SIDT1: variants seen among roughly 807,000 people sequenced by gnomAD.
SIDT1 encodes the protein SID1 transmembrane family, member 1.
In SIDT1, 101 loss-of-function variants were observed where a neutral mutation model predicts 107.5. The ratio of observed to expected loss-of-function variants is 0.94; its 90% CI spans 0.80 to 1.11. The LOEUF is 1.11. SIDT1 is among the 50% of genes least tolerant of loss of function. The pLI, the probability that SIDT1 is intolerant of heterozygous loss-of-function variation, is 0.00. For missense variants in SIDT1, 1,076 were observed against 1,058.2 expected (o/e 1.02, Z -0.23); for synonymous variants, 395 against 398.2 (o/e 0.99, Z 0.10).
chr3:113,626,017 C>T (rs1008155191), intron 23 of SIDT1, 85 bp from the exon 24 acceptor site: 6 of 896,888 alleles, frequency 6.7e-6, no homozygotes, highest in South Asian at 1.4e-5. Flanking sequence ...CATCTAGTAG[C>T]GTTTTTGTGG....
intron 7 of SIDT1, among the ~76,000 whole-genome samples, chr3:113,584,453 G>A (rs959506142): frequency 3.3e-5 from 5 of 152,188 alleles, no homozygotes; most frequent in Admixed American, 1.3e-4. Flanking sequence ...GCATCTGTTA[G>A]TGGTACCAAA....
chr3:113,580,742 T>C lies in SIDT1; in HGVS notation c.663+33T>C, dbSNP rs957285093. On this transcript the variant is annotated intron_variant, in intron 5 of 24. Transcript: ENST00000264852. ...CTGATAACTTGCCAACCTTCTACTA[T>C]AGAGCATTATATTATTCCAGAACAA... The C allele has an allele frequency of 5.5e-6, 7 of 1,267,214 alleles. No homozygotes were observed. In the East Asian group the frequency reaches 1.4e-4, roughly 25 times the overall value. 78.5% of individuals were successfully genotyped at this position (1,267,214 alleles called of 1,614,324 possible). A position where few individuals can be genotyped will look rare whatever the true frequency, so the allele number is the denominator to read the frequency against.
At chr3:113,615,181 C>A in intron 19 of SIDT1, 1 of 1,234,762 alleles carries the variant, frequency 8.1e-7, no homozygotes, top group Non-Finnish European at 1.1e-6. Context: ...TCTTTCAGGC[C>A]GGGCAGACTC....
chr3:113,623,477 T>C lies in SIDT1; in HGVS notation c.2141T>C (p.Leu714Pro), dbSNP rs1474428618. Residue 714 changes from leucine (L) to proline (P), a missense_variant, in exon 22 of 25, where the codon CTG becomes CCG. Coordinates refer to ENST00000264852, the MANE Select transcript of SIDT1 (RefSeq NM_017699.3). Reference sequence around the variant, plus strand: ...CCCAGGGACTTTGCTTCCTACATGCTGGGCATCTTCATCTGTAACCTTTTG... The same window carrying C: ...CCCAGGGACTTTGCTTCCTACATGCCGGGCATCTTCATCTGTAACCTTTTG... ...YRPRDFASYM[L>P]GIFICNLLLY... The C allele has an allele frequency of 3.1e-6, 5 of 1,614,200 alleles. No individual in the cohort carries two copies. Among genetic ancestry groups the C allele is most frequent in the East Asian group, 2.2e-5 (1 of 44,884 alleles).
chr3:113,594,886 T>TCC (rs1944428318), intron 10 of SIDT1: 1 of 154,372 alleles, frequency 6.5e-6, no homozygotes, highest in Admixed American at 6.5e-5. Flanking sequence ...CTGGTCCATT[T>TCC]CCCTGCCATT....
At chr3:113,600,971 G>A (rs1168368383) in intron 10 of SIDT1, among the ~76,000 whole-genome samples, 2 of 152,172 alleles carry the variant, frequency 1.3e-5, no homozygotes, top group African/African-American at 4.8e-5. Flanking sequence ...AGGGCCCTGG[G>A]AACAGCTTAG....
intron 9 of SIDT1, among the ~76,000 whole-genome samples, chr3:113,585,743 T>A (rs1335506341): frequency 1.3e-5 from 2 of 152,216 alleles, no homozygotes; most frequent in Non-Finnish European, 2.9e-5. Context: ...GATACAGCAT[T>A]ACCAAGTGTT....
At chr3:113,555,962 C>T (rs560984851) in intron 1 of SIDT1, among the ~76,000 whole-genome samples, 60 of 151,654 alleles carry the variant, frequency 4.0e-4, no homozygotes, top group African/African-American at 1.4e-3. Flanking sequence ...ATGGAAACAG[C>T]TCTGCCTTCT....
intron 1 of SIDT1, among the ~76,000 whole-genome samples, chr3:113,536,757 A>T (rs900162884): frequency 3.3e-5 from 5 of 152,266 alleles, no homozygotes; most frequent in African/African-American, 1.2e-4. Context: ...CAAAAAAATC[A>T]CTGAGAGAAT....
chr3:113,539,910 A>G (rs1938612562), intron 1 of SIDT1, among the ~76,000 whole-genome samples: 1 of 151,996 alleles, frequency 6.6e-6, no homozygotes, highest in South Asian at 2.1e-4. Context: ...AGGCTGAGGC[A>G]GGAGACTCAC....
chr3:113,543,682 C>T (rs2399487), intron 1 of SIDT1, among the ~76,000 whole-genome samples: 5,591 of 152,304 alleles, frequency 0.037, 153 homozygotes, highest in African/African-American at 0.072. Context: ...ACACTATCTT[C>T]ACAGAATTCT....
At chr3:113,567,932 A>C in intron 3 of SIDT1, 1 of 452,028 alleles carries the variant, frequency 2.2e-6, no homozygotes. Context: ...TCACAGGTGA[A>C]TCTGTTTTCA....
chr3:113,580,537 G>A, intron 4 of SIDT1, 71 bp from the exon 5 acceptor site: 1 of 887,798 alleles, frequency 1.1e-6, no homozygotes. Flanking sequence ...TATAAATTTT[G>A]TGCCTAATAG....
chr3:113,561,823 G>GA (rs532649079), intron 1 of SIDT1, among the ~76,000 whole-genome samples: 52 of 152,200 alleles, frequency 3.4e-4, no homozygotes, highest in African/African-American at 1.2e-3. Context: ...ATCAAAGTGT[G>GA]AAAAAAAGAT....
chr3:113,601,538 T>C, intron 10 of SIDT1, 50 bp from the exon 11 acceptor site: 2 of 1,286,780 alleles, frequency 1.6e-6, no homozygotes, highest in African/African-American at 2.9e-5. Flanking sequence ...AGTGTTGTTT[T>C]GTTTTAGCAA....
At chr3:113,590,306 A>G (rs982509230) in intron 9 of SIDT1, 1 of 152,232 alleles carries the variant, frequency 6.6e-6, no homozygotes, top group African/African-American at 2.4e-5. Flanking sequence ...CAACTTATAG[A>G]GTTCCCATCT....
intron 23 of SIDT1, among the ~76,000 whole-genome samples, chr3:113,624,991 T>A (rs1394492075): frequency 6.6e-6 from 1 of 152,222 alleles, no homozygotes; most frequent in Admixed American, 6.5e-5. Flanking sequence ...TTAGATCGAT[T>A]CCATATTTTG....
rs1947046091 is a variant in SIDT1 at position 113,629,362 on chromosome 3, T to C, written c.*1654T>C. On this transcript the variant is annotated 3_prime_UTR_variant, in exon 25 of 25. Transcript: ENST00000264852. ...ATGAAGGCCACCAATTAAATGGTTG[T>C]GTTAATCCAACATGTAAAAAACTTT... is the stretch of plus-strand genomic sequence containing the variant. 6.6e-6 allele frequency: 1 copy of C among 152,328 alleles called. No homozygotes were observed. Among genetic ancestry groups the C allele is most frequent in the Non-Finnish European group, 1.5e-5 (1 of 68,052 alleles). 9.4% of individuals were successfully genotyped at this position (152,328 alleles called of 1,614,324 possible).
intron 21 of SIDT1, 93 bp from the exon 22 acceptor site, chr3:113,623,334 G>C (rs2107831359): frequency 1.5e-6 from 1 of 669,526 alleles, no homozygotes; most frequent in East Asian, 2.8e-5. Context: ...AAAAGAACCT[G>C]CCCCTTCCCC....
Sources: gnomAD v4.1 joint callset for allele counts (sites outside exome capture counted in the v4.1 genomes callset) on GRCh38, gnomAD v4.1.1 for gene constraint, MANE v1.5 for transcripts, NCBI Gene and HGNC (gene_info 2026-07-23, HGNC 2026-07-21) for gene names.